Variants in USP28 observed in about 807,000 individuals in gnomAD.
USP28 encodes ubiquitin carboxyl-terminal hydrolase 28.
A neutral mutation model predicts 145.0 loss-of-function variants in USP28; 113 were observed. The ratio of observed to expected loss-of-function variants is 0.78; its 90% CI spans 0.67 to 0.91. USP28 has a LOEUF of 0.91. USP28 is among the 40% of genes least tolerant of loss of function. The pLI is 0.00. For missense variants in USP28, 1,201 were observed against 1,289.6 expected, an observed-to-expected ratio of 0.93 and a Z score of 1.05; for synonymous variants, 447 against 450.9, an observed-to-expected ratio of 0.99 and a Z score of 0.11.
intron 19 of USP28, among the ~76,000 whole-genome samples, chr11:113,806,017 C>T (rs1390037833): frequency 6.6e-6 from 1 of 151,922 alleles, no homozygotes; most frequent in African/African-American, 2.4e-5. Context: ...CAACCTTGAA[C>T]ACCTGGGCTC....
Position 113,834,142 on chromosome 11 carries a change from G to A in USP28, c.621+107C>T, listed in dbSNP as rs968489468. ...ATTTAGAAATGAAAACAAATAATTA[G>A]CACAAGCCAAAGAGTATCACGGATA... On this transcript the variant is annotated intron_variant, in intron 6 of 24. Coordinates refer to ENST00000003302, the Ensembl canonical transcript of USP28. 8.1e-6 allele frequency: 6 copies of A among 738,034 alleles called. No individual in the cohort carries two copies. In the Admixed American group the frequency reaches 1.5e-4, roughly 18 times the overall value. The allele number at this position is 738,034 out of a possible 1,614,324, so 45.7% of individuals were successfully genotyped here.
At chr11:113,846,201 CTAAG>C (rs1317889836) in intron 3 of USP28, among the ~76,000 whole-genome samples, 3 of 152,076 alleles carry the variant, frequency 2.0e-5, no homozygotes, top group Admixed American at 1.3e-4. Context: ...TCAACGCATA[CTAAG>C]TAAGTGAAAT....
chr11:113,807,904 A>T, intron 18 of USP28, 47 bp downstream of exon 19: 2 of 993,340 alleles, frequency 2.0e-6, no homozygotes, highest in Non-Finnish European at 2.4e-6. Context: ...AGAGAAGGAA[A>T]TATAAGACTG....
intron 1 of USP28, among the ~76,000 whole-genome samples, chr11:113,855,723 C>T (rs1946976313): frequency 6.6e-6 from 1 of 152,150 alleles, no homozygotes; most frequent in Non-Finnish European, 1.5e-5. Context: ...TCGAGACCAG[C>T]CTGACCAACA....
intron 3 of USP28, among the ~76,000 whole-genome samples, chr11:113,851,115 A>G (rs1946398785): frequency 6.6e-6 from 1 of 152,074 alleles, no homozygotes; most frequent in East Asian, 1.9e-4. Context: ...CTTAAAAATA[A>G]TATATGCCGG....
Position 113,823,694 on chromosome 11 carries a change from CA to C in USP28, c.1193del (p.Met398SerfsTer18). ...TTCGAATAAGCTCCTTGCTCCTGTA[CA>C]TGTACCTAAGTAAATAATCCCACAA... is the stretch of plus-strand genomic sequence containing the variant. On this transcript the variant is annotated frameshift_variant, in exon 12 of 25. Coordinates refer to ENST00000003302, the Ensembl canonical transcript of USP28. LOFTEE classifies it high-confidence loss of function. The C allele has an allele frequency of 6.2e-7, 1 of 1,604,670 alleles. No homozygotes were observed. The highest frequency in any genetic ancestry group is 8.5e-7 in the Non-Finnish European group (1 of 1,176,074).
In USP28 at chr11:113,860,476, A is replaced by G. The variant is rs559714808; in HGVS notation, c.58-6141T>C. ...AAAAAAGAAAAAACAAAAAACAAAA[A>G]CAAAACCAACTGAAGAGTCAAAGAA... is the stretch of plus-strand genomic sequence containing the variant. On this transcript the variant is annotated intron_variant, in intron 1 of 24. Coordinates refer to ENST00000003302, the Ensembl canonical transcript of USP28. 1.1e-4 allele frequency among the ~76,000 whole-genome samples: 16 copies of G among 151,992 alleles called. 1 individual carries two copies. The East Asian group carries it at 3.1e-3, about 29-fold the overall frequency.
intron 14 of USP28, 147 bp downstream of exon 14, chr11:113,815,027 G>C (rs1196779699): frequency 2.7e-6 from 2 of 738,454 alleles, no homozygotes. Flanking sequence ...ACTCCAGCCT[G>C]GGTGATAGAG....
At position 113,853,646 on chromosome 11, in the gene USP28, G is replaced by A. The variant is rs554406268; in HGVS notation, c.135+612C>T. Among the ~76,000 whole-genome samples, 234 of 152,070 alleles carry A rather than the reference G, an allele frequency of 1.5e-3. 1 individual carries two copies. The highest frequency in any genetic ancestry group is 5.2e-3 in the African/African-American group (217 of 41,500). On this transcript the variant is annotated intron_variant, in intron 2 of 24. Coordinates refer to ENST00000003302, the Ensembl canonical transcript of USP28. ...TCCCAACACTGTGGGAGGCCAGGTC[G>A]GGTGGATCACTTGAGGTCAGGAGTT...
chr11:113,856,815 C>T lies in USP28; in HGVS notation c.58-2480G>A, dbSNP rs575555287. On this transcript the variant is annotated intron_variant, in intron 1 of 24. Transcript: ENST00000003302. ...GCAACCTCCGACTCCCGGGTTCAAGCGATTCTCCTGCCTCAGCCTCCCAAA... is the reference window on the plus strand; with the variant it reads ...GCAACCTCCGACTCCCGGGTTCAAGTGATTCTCCTGCCTCAGCCTCCCAAA... Among the ~76,000 whole-genome samples, 450 of 152,136 alleles carry T rather than the reference C, an allele frequency of 3.0e-3. 2 individuals carry two copies. The highest frequency in any genetic ancestry group is 0.011 in the African/African-American group (438 of 41,500).
chr11:113,826,763 T>TA (rs1486506518), intron 11 of USP28, among the ~76,000 whole-genome samples: 1 of 151,496 alleles, frequency 6.6e-6, no homozygotes, highest in African/African-American at 2.4e-5. Context: ...CTACTAAAAA[T>TA]ATAAAATTAG....
chr11:113,803,963 T>A, intron 21 of USP28, 86 bp from the exon 23 acceptor site: 1 of 1,228,446 alleles, frequency 8.1e-7, no homozygotes, highest in Non-Finnish European at 1.2e-6. Context: ...TCATTACAAA[T>A]ATTTACTGAG....
At chr11:113,826,111 C>T (rs1467173639) in intron 11 of USP28, among the ~76,000 whole-genome samples, 1 of 151,754 alleles carries the variant, frequency 6.6e-6, no homozygotes, top group Non-Finnish European at 1.5e-5. Context: ...GGTGAAACCC[C>T]GTCTCTACTA....
intron 11 of USP28, among the ~76,000 whole-genome samples, chr11:113,826,294 A>AAAAAG (rs755900735): frequency 0.046 from 6,586 of 143,834 alleles, 319 homozygotes; most frequent in Non-Finnish European, 0.077. Flanking sequence ...AAAAAAAAAA[A>AAAAAG]AAAGAAAGAA....
rs1339926256 is a variant in USP28 at position 113,826,238 on chromosome 11, G to A, written c.1187+995C>T. Among the ~76,000 whole-genome samples the A allele has an allele frequency of 2.1e-5, 3 of 141,238 alleles. No homozygotes were observed. In the East Asian group the frequency reaches 6.3e-4, roughly 30 times the overall value. 92.7% of individuals were successfully genotyped at this position (141,238 alleles called of 152,430 possible). The stretch of plus-strand genomic sequence containing the variant: ...GCAGAGGTTGCAGTGAGCCGAGATC[G>A]TGCCACTGCATTCCAGCCTGGGCAA... On this transcript the variant is annotated intron_variant, in intron 11 of 24. Transcript: ENST00000003302.
At chr11:113,860,280 T>C (rs1236101077) in intron 1 of USP28, among the ~76,000 whole-genome samples, 10 of 152,158 alleles carry the variant, frequency 6.6e-5, no homozygotes, top group Middle Eastern at 3.2e-3. Context: ...CTGATATCAA[T>C]TGTCTAGTCT....
At chr11:113,833,322 G>A in intron 7 of USP28, 98 bp downstream of exon 7, 1 of 1,492,672 alleles carries the variant, frequency 6.7e-7, no homozygotes, top group African/African-American at 1.4e-5. Context: ...GTCCTGCTTA[G>A]TCATGTTCAC....
intron 9 of USP28, among the ~76,000 whole-genome samples, chr11:113,830,306 T>C (rs1318098684): frequency 6.6e-6 from 1 of 152,210 alleles, no homozygotes; most frequent in Non-Finnish European, 1.5e-5. Context: ...TATTGGGTTA[T>C]GTTTTAAAAA....
At chr11:113,871,327 C>A (rs921828930) in intron 1 of USP28, among the ~76,000 whole-genome samples, 1 of 152,086 alleles carries the variant, frequency 6.6e-6, no homozygotes, top group African/African-American at 2.4e-5. Flanking sequence ...GTGAAGGTGT[C>A]TGGGGGTTAG....
Sources: gnomAD v4.1 joint callset for allele counts (sites outside exome capture counted in the v4.1 genomes callset) on GRCh38, gnomAD v4.1.1 for gene constraint, MANE v1.5 for transcripts, NCBI Gene and HGNC (gene_info 2026-07-23, HGNC 2026-07-21) for gene names.